The following SIAH1 variants were observed in gnomAD, a reference collection of about 807,000 sequenced individuals.
SIAH1 encodes E3 ubiquitin-protein ligase SIAH1.
In SIAH1, 2 loss-of-function variants were observed where a neutral mutation model predicts 20.0. The observed-to-expected ratio is 0.10, with a 90% CI of 0.04 to 0.31. The LOEUF is 0.31. Ranked by LOEUF, SIAH1 falls within the 10% of genes least tolerant of loss-of-function variation. The pLI is 1.00. For missense variants in SIAH1, 119 were observed against 355.3 expected, an observed-to-expected ratio of 0.33 and a Z score of 5.35; for synonymous variants, 118 against 125.3, an observed-to-expected ratio of 0.94 and a Z score of 0.39.
intron 1 of SIAH1, among the ~76,000 whole-genome samples, chr16:48,381,744 T>TG (rs1391361569): frequency 6.6e-6 from 1 of 152,160 alleles, no homozygotes; most frequent in African/African-American, 2.4e-5. Flanking sequence ...GATAAGTGGT[T>TG]GGGGGTGTGG....
chr16:48,368,131 G>T (rs547388412), intron 1 of SIAH1, among the ~76,000 whole-genome samples: 1 of 152,154 alleles, frequency 6.6e-6, no homozygotes, highest in East Asian at 1.9e-4. Flanking sequence ...ATGGAGAAAT[G>T]TAGTCAGATA....
At chr16:48,365,794 G>A in intron 1 of SIAH1, 2 of 1,298,176 alleles carry the variant, frequency 1.5e-6, no homozygotes, top group African/African-American at 1.5e-5. Context: ...ACTGGGTAGG[G>A]TCCTGCCCAG....
chr16:48,380,732 T>C (rs1961255439), intron 1 of SIAH1, among the ~76,000 whole-genome samples: 1 of 151,858 alleles, frequency 6.6e-6, no homozygotes, highest in Admixed American at 6.6e-5. Context: ...GAGACTGACC[T>C]GGCCAGCATG....
intron 1 of SIAH1, among the ~76,000 whole-genome samples, chr16:48,381,136 G>T (rs1180062851): frequency 5.9e-5 from 9 of 152,016 alleles, no homozygotes; most frequent in Admixed American, 5.9e-4. Context: ...CCTGAGGTCA[G>T]GAGATCAAGA....
intron 1 of SIAH1, among the ~76,000 whole-genome samples, chr16:48,368,536 G>C (rs973971919): frequency 4.6e-5 from 7 of 152,022 alleles, no homozygotes; most frequent in African/African-American, 7.2e-5. Flanking sequence ...TCTCTACTAA[G>C]TAAATACAAA....
chr16:48,385,240 G>A lies in SIAH1; in HGVS notation c.-39C>T, dbSNP rs1454416213. On this transcript the variant is annotated 5_prime_UTR_variant, in exon 1 of 2. Transcript: ENST00000394725. ...GAGCGCGCCTCGGACCCCGGTCCTG[G>A]CACCAACGCGCTCCGTCGCCAACCC... The A allele has an allele frequency of 6.2e-6, 2 of 325,000 alleles. No individual in the cohort carries two copies. The highest frequency in any genetic ancestry group is 2.2e-5 in the African/African-American group (1 of 44,788). The allele number at this position is 325,000 out of a possible 1,614,324, so 20.1% of individuals were successfully genotyped here. A position where few individuals can be genotyped will look rare whatever the true frequency, so the allele number is the denominator to read the frequency against.
At chr16:48,381,574 C>G (rs1961293240) in intron 1 of SIAH1, among the ~76,000 whole-genome samples, 1 of 152,080 alleles carries the variant, frequency 6.6e-6, no homozygotes, top group African/African-American at 2.4e-5. Flanking sequence ...TTATGCAGCC[C>G]TAAAGAAATG....
intron 1 of SIAH1, among the ~76,000 whole-genome samples, chr16:48,369,727 G>C (rs1318577620): frequency 6.6e-6 from 1 of 152,184 alleles, no homozygotes; most frequent in East Asian, 1.9e-4. Flanking sequence ...GTCTGGGAAA[G>C]AATAAATAAA....
intron 1 of SIAH1, among the ~76,000 whole-genome samples, chr16:48,364,487 G>C (rs978016642): frequency 2.6e-5 from 4 of 152,162 alleles, no homozygotes; most frequent in African/African-American, 7.2e-5. Context: ...CAACAAAAGT[G>C]ACAATTCCAT....
At chr16:48,375,288 A>T (rs1961079994) in intron 1 of SIAH1, among the ~76,000 whole-genome samples, 1 of 152,238 alleles carries the variant, frequency 6.6e-6, no homozygotes, top group Admixed American at 6.5e-5. Flanking sequence ...TTCTTTAAAT[A>T]AAATGGACTC....
chr16:48,372,407 T>C (rs1240225165), intron 1 of SIAH1, among the ~76,000 whole-genome samples: 1 of 152,212 alleles, frequency 6.6e-6, no homozygotes, highest in Non-Finnish European at 1.5e-5. Context: ...ACTAAGATTC[T>C]GTTCACAAGG....
Position 48,370,654 on chromosome 16 carries a change from A to G in SIAH1, c.-2-8224T>C, listed in dbSNP as rs57596261. Among the ~76,000 whole-genome samples the G allele has an allele frequency of 9.5e-3, 1,441 of 152,198 alleles. 26 individuals are homozygous for G. The highest frequency in any genetic ancestry group is 0.033 in the African/African-American group (1,391 of 41,530). On this transcript the variant is annotated intron_variant, in intron 1 of 1. Transcript: ENST00000394725. ...ACCCCGTCTCTACTAAAAATACAAAAAATTAGCCAGGCGCGGTGGCGGGCG... is the reference window on the plus strand; with the variant it reads ...ACCCCGTCTCTACTAAAAATACAAAGAATTAGCCAGGCGCGGTGGCGGGCG...
intron 1 of SIAH1, among the ~76,000 whole-genome samples, chr16:48,382,877 AT>A (rs1961334563): frequency 6.6e-6 from 1 of 152,230 alleles, no homozygotes; most frequent in South Asian, 2.1e-4. Flanking sequence ...TACCCTAGTT[AT>A]GTAAGATCTG....
rs114560613 is a variant in SIAH1 at position 48,362,790 on chromosome 16, G to C, written c.-2-360C>G. 936 of 217,798 alleles carry C rather than the reference G, an allele frequency of 4.3e-3. 6 individuals are homozygous for C. Among genetic ancestry groups the C allele is most frequent in the African/African-American group, 0.022 (905 of 41,946 alleles). The allele number at this position is 217,798 out of a possible 1,614,324, so 13.5% of individuals were successfully genotyped here. On this transcript the variant is annotated intron_variant, in intron 1 of 1. Transcript: ENST00000394725. The surrounding 1 kb of genome is among the most constrained non-coding windows in gnomAD (Gnocchi z 4.2). ...AAGTTTAATCGAATCCGTTTTGCTA[G>C]GACTCTCCCTGAGGCTCCCTTACTC...
intron 1 of SIAH1, among the ~76,000 whole-genome samples, chr16:48,379,738 A>C (rs1468117401): frequency 6.6e-6 from 1 of 152,232 alleles, no homozygotes; most frequent in African/African-American, 2.4e-5. Flanking sequence ...TGCTATGGGA[A>C]CACAGAGATG....
At chr16:48,365,933 T>A in intron 1 of SIAH1, 7 of 1,215,124 alleles carry the variant, frequency 5.8e-6, no homozygotes, top group Non-Finnish European at 7.2e-6. Context: ...CGGCCGGGGC[T>A]GGGCCTGCGT....
chr16:48,361,344 C>T lies in SIAH1; in HGVS notation c.*236G>A. 2.4e-6 allele frequency: 1 copy of T among 420,176 alleles called. No individual in the cohort carries two copies. The allele number at this position is 420,176 out of a possible 1,614,324, so 26.0% of individuals were successfully genotyped here. A position where few individuals can be genotyped will look rare whatever the true frequency, so the allele number is the denominator to read the frequency against. ...CTTCCTTTCTTAATACAAAAGATGC[C>T]CATCTTGGGTGTATATACATATATT... On this transcript the variant is annotated 3_prime_UTR_variant, in exon 2 of 2. Transcript: ENST00000394725.
intron 1 of SIAH1, chr16:48,365,332 A>C: frequency 6.2e-7 from 1 of 1,600,694 alleles, no homozygotes; most frequent in Non-Finnish European, 8.5e-7. Context: ...GGTTCCACTG[A>C]CTAATAGCGT....
chr16:48,384,376 C>G (rs1961382892), intron 1 of SIAH1, among the ~76,000 whole-genome samples: 1 of 152,156 alleles, frequency 6.6e-6, no homozygotes, highest in South Asian at 2.1e-4. Context: ...AACGGGCAGA[C>G]AGCGAAAACG....
Sources: allele counts gnomAD v4.1 joint callset (sites outside exome capture counted in the v4.1 genomes callset), GRCh38; gene constraint gnomAD v4.1.1; non-coding constraint Gnocchi (gnomAD v3.1); transcripts MANE v1.5; gene names NCBI Gene and HGNC (gene_info 2026-07-23, HGNC 2026-07-21).